Variants in TNRC6A observed in about 807,000 individuals in gnomAD.
TNRC6A encodes trinucleotide repeat containing adaptor 6A.
A neutral mutation model predicts 221.2 loss-of-function variants in TNRC6A; 44 were observed. That is an observed-to-expected ratio of 0.20 (90% confidence interval 0.16 to 0.26). The LOEUF (loss-of-function observed/expected upper bound fraction) is 0.26. Ranked by LOEUF, TNRC6A falls within the 10% of genes least tolerant of loss-of-function variation. TNRC6A has a pLI of 1.00. For synonymous variants in TNRC6A, 847 were observed against 838.5 expected (o/e 1.01, Z -0.18); for missense variants, 2,199 against 2,404.4 (o/e 0.91, Z 1.79).
At chr16:24,690,882 AC>A (rs1247198343) in intron 2 of TNRC6A, among the ~76,000 whole-genome samples, 1 of 148,820 alleles carries the variant, frequency 6.7e-6, no homozygotes, top group African/African-American at 2.5e-5. Context: ...ATCTCAGCTC[AC>A]TGCAAGCTCC....
intron 7 of TNRC6A, 112 bp downstream of exon 7, chr16:24,793,761 T>C (rs1049339020): frequency 1.1e-6 from 1 of 917,070 alleles, no homozygotes; most frequent in African/African-American, 1.7e-5. Context: ...ATTCATATAA[T>C]GTAACATGAT....
intron 2 of TNRC6A, among the ~76,000 whole-genome samples, chr16:24,736,307 T>C (rs935312008): frequency 5.3e-5 from 8 of 152,212 alleles, no homozygotes; most frequent in Non-Finnish European, 1.2e-4. Context: ...CACCAAAGTA[T>C]GGCAGTAGGT....
At chr16:24,633,498 G>A (rs533390854) in intron 1 of TNRC6A, among the ~76,000 whole-genome samples, 1 of 151,746 alleles carries the variant, frequency 6.6e-6, no homozygotes, top group East Asian at 2.0e-4. Flanking sequence ...GGGTTCAAGC[G>A]ATGCTCCTGC....
chr16:24,693,159 G>A (rs1281855283), intron 2 of TNRC6A, among the ~76,000 whole-genome samples: 2 of 152,008 alleles, frequency 1.3e-5, no homozygotes, highest in Admixed American at 1.3e-4. Flanking sequence ...CAAACTTTGT[G>A]TTCTCTCACG....
chr16:24,795,440 T>A (rs1726637335), intron 8 of TNRC6A, among the ~76,000 whole-genome samples: 1 of 152,114 alleles, frequency 6.6e-6, no homozygotes, highest in Admixed American at 6.5e-5. Flanking sequence ...TGTCAGATCC[T>A]CCTGGGGACC....
At position 24,648,274 on chromosome 16, in the gene TNRC6A, C is replaced by CTTTTTTTTTTTTTTTTTT. The variant is rs71156430; in HGVS notation, n.402+7280_402+7281insTTTTTTTTTTTTTTTTTT. Reference sequence around the variant, plus strand: ...GCAATTGTACCACTTTCCACAGCAACTTTTTTTTTTTTTTTGAGATGGAGT... The same window carrying CTTTTTTTTTTTTTTTTTT: ...GCAATTGTACCACTTTCCACAGCAACTTTTTTTTTTTTTTTTTTTTTTTTTTTTTTTTTGAGATGGAGT... On this transcript the variant is annotated intron_variant and non_coding_transcript_variant, in intron 2 of 2. Transcript: ENST00000566108. 1.1e-3 allele frequency among the ~76,000 whole-genome samples: 112 copies of CTTTTTTTTTTTTTTTTTT among 97,850 alleles called. 14 individuals are homozygous for CTTTTTTTTTTTTTTTTTT. Among genetic ancestry groups the CTTTTTTTTTTTTTTTTTT allele is most frequent in the African/African-American group, 1.9e-3 (41 of 21,290 alleles). The allele number at this position is 97,850 out of a possible 152,430, so 64.2% of individuals were successfully genotyped here.
intron 2 of TNRC6A, among the ~76,000 whole-genome samples, chr16:24,649,102 G>A (rs1177920906): frequency 6.6e-6 from 1 of 151,566 alleles, no homozygotes; most frequent in African/African-American, 2.4e-5. Context: ...GCAACATAGT[G>A]AGACCCTGTC....
intron 4 of TNRC6A, among the ~76,000 whole-genome samples, chr16:24,761,400 G>T (rs1218603946): frequency 2.6e-5 from 4 of 152,178 alleles, no homozygotes; most frequent in Admixed American, 1.3e-4. Context: ...TTCAGGTGAG[G>T]TATAGGGATA....
chr16:24,806,901 G>A (rs2058444207), intron 17 of TNRC6A, 117 bp downstream of exon 17: 2 of 995,594 alleles, frequency 2.0e-6, no homozygotes, highest in Non-Finnish European at 1.5e-6. Context: ...TCTCTTAGCT[G>A]TTCCCTCTCA....
chr16:24,750,782 A>G lies in TNRC6A; in HGVS notation c.110A>G (p.Asp37Gly). The change falls in exon 3 of 25, where the codon GAC becomes GGC. Residue 37 changes from aspartate to glycine, a missense_variant. Around this residue, in one of 8 missense-constraint regions of TNRC6A, gnomAD observed 1,405 missense variants for 1,400.2 expected, o/e 1.00. Transcript: ENST00000395799. ...LMEEKKKKKD[D>G]KKKKEAAQKK... ...GAAGAAAAGAAAAAGAAAAAAGACG[A>G]CAAGAAAAAGAAGGAAGCTGCTCAA... The G allele has an allele frequency of 6.4e-7, 1 of 1,569,302 alleles. No homozygotes were observed. The highest frequency in any genetic ancestry group is 8.6e-7 in the Non-Finnish European group (1 of 1,160,522).
rs558106901 is a variant in TNRC6A at position 24,695,347 on chromosome 16, C to A, written n.402+54338C>A. ...TTTCCAGCTGCAAGTCACAGAAGCCCAGTGCATAAAAGCCCAGAAGCTCTT... is the reference window on the plus strand; with the variant it reads ...TTTCCAGCTGCAAGTCACAGAAGCCAAGTGCATAAAAGCCCAGAAGCTCTT... On this transcript the variant is annotated intron_variant and non_coding_transcript_variant, in intron 2 of 2. Transcript: ENST00000566108. Among the ~76,000 whole-genome samples the A allele has an allele frequency of 5.3e-5, 8 of 152,212 alleles. No individual in the cohort carries two copies. The South Asian group carries it at 1.5e-3, about 28-fold the overall frequency.
At chr16:24,799,359 T>A (rs574865701) in intron 11 of TNRC6A, among the ~76,000 whole-genome samples, 1 of 152,190 alleles carries the variant, frequency 6.6e-6, no homozygotes, top group African/African-American at 2.4e-5. Context: ...TATGTACTCT[T>A]CTGCACGCAT....
intron 5 of TNRC6A, among the ~76,000 whole-genome samples, chr16:24,788,683 C>T (rs1215280669): frequency 1.4e-5 from 2 of 142,772 alleles, no homozygotes; most frequent in Non-Finnish European, 3.0e-5. Flanking sequence ...GAGTCTCGCT[C>T]TGTCACCCAG....
intron 2 of TNRC6A, among the ~76,000 whole-genome samples, chr16:24,702,832 G>A (rs887029960): frequency 9.2e-5 from 14 of 151,776 alleles, no homozygotes; most frequent in Non-Finnish European, 1.6e-4. Context: ...TCAGGAGATC[G>A]AGACCATCCT....
chr16:24,820,451 A>G, intron 22 of TNRC6A, 91 bp downstream of exon 22: 1 of 1,164,934 alleles, frequency 8.6e-7, no homozygotes, highest in Non-Finnish European at 1.3e-6. Flanking sequence ...CCTGAACGGT[A>G]AACTATTGCC....
At chr16:24,651,298 G>A (rs570744654) in intron 2 of TNRC6A, among the ~76,000 whole-genome samples, 1 of 152,066 alleles carries the variant, frequency 6.6e-6, no homozygotes, top group Non-Finnish European at 1.5e-5. Context: ...CAGCACTTTG[G>A]GAGGCTGAGT....
intron 2 of TNRC6A, among the ~76,000 whole-genome samples, chr16:24,723,791 G>C (rs1413666560): frequency 1.3e-5 from 2 of 151,982 alleles, no homozygotes; most frequent in African/African-American, 4.8e-5. Flanking sequence ...TAAATTGAGA[G>C]ACAACTGTTT....
intron 2 of TNRC6A, among the ~76,000 whole-genome samples, chr16:24,702,906 G>A (rs2056016213): frequency 6.6e-6 from 1 of 151,952 alleles, no homozygotes; most frequent in Non-Finnish European, 1.5e-5. Flanking sequence ...GTGGTGGCGG[G>A]CACCTGTAGT....
At chr16:24,776,091 A>G (rs2057712579) in intron 4 of TNRC6A, among the ~76,000 whole-genome samples, 2 of 152,160 alleles carry the variant, frequency 1.3e-5, no homozygotes, top group African/African-American at 4.8e-5. Flanking sequence ...CAAAGACAGA[A>G]AGCTTGTAAA....
Sources: allele counts gnomAD v4.1 joint callset (sites outside exome capture counted in the v4.1 genomes callset), GRCh38; gene constraint gnomAD v4.1.1; regional missense constraint gnomAD v4.1.1; transcripts MANE v1.5; gene names NCBI Gene and HGNC (gene_info 2026-07-23, HGNC 2026-07-21).